The following EPB41L1 variants were observed in gnomAD, a reference collection of about 807,000 sequenced individuals.
EPB41L1 encodes the protein band 4.1-like protein 1.
Under a neutral mutation model 97.8 loss-of-function variants are expected in EPB41L1, and 29 were observed. That is an observed-to-expected ratio of 0.30 (90% CI 0.22 to 0.40). EPB41L1 has a LOEUF of 0.40. EPB41L1 is among the 10% of genes least tolerant of loss of function. The pLI, the probability that EPB41L1 is intolerant of heterozygous loss-of-function variation, is 1.00. For missense variants in EPB41L1, 812 were observed against 1,162.3 expected, an observed-to-expected ratio of 0.70 and a Z score of 4.38; for synonymous variants, 383 against 459.2, an observed-to-expected ratio of 0.83 and a Z score of 2.12.
upstream of EPB41L1, among the ~76,000 whole-genome samples, chr20:36,153,286 G>A (rs2145456803): frequency 6.6e-6 from 1 of 152,106 alleles, no homozygotes; most frequent in African/African-American, 2.4e-5. Flanking sequence ...GGAGTTGGGG[G>A]AGGGAGGTGC....
At chr20:36,223,773 G>A (rs1242401737) in intron 21 of EPB41L1, among the ~76,000 whole-genome samples, 1 of 152,090 alleles carries the variant, frequency 6.6e-6, no homozygotes, top group Admixed American at 6.5e-5. Flanking sequence ...CTAGGGTACT[G>A]GAAATGTCAC....
Position 36,102,997 on chromosome 20 carries a change from T to G in EPB41L1, c.-64-9429T>G, listed in dbSNP as rs2058065825. On this transcript the variant is annotated intron_variant, in intron 1 of 19. Transcript: ENST00000202028. ...CCTCCCTGCCAAGAATGCCACCCCC[T>G]CCATTCCCCAATCACTGTTGAAATC... 2.0e-5 allele frequency among the ~76,000 whole-genome samples: 3 copies of G among 152,224 alleles called. No homozygotes were observed. The South Asian group carries it at 6.2e-4, about 32-fold the overall frequency.
chr20:36,187,629 A>G (rs2247688), intron 7 of EPB41L1, 47 bp from the exon 8 acceptor site: 414,735 of 1,533,600 alleles, frequency 0.27, 64,415 homozygotes, highest in African/African-American at 0.7. Context: ...GCAGGACTAA[A>G]CCTGGGCCTT....
At chr20:36,130,551 A>G (rs1330061689) in intron 2 of EPB41L1, among the ~76,000 whole-genome samples, 1 of 152,072 alleles carries the variant, frequency 6.6e-6, no homozygotes, top group Non-Finnish European at 1.5e-5. Context: ...AGTTTTTGCT[A>G]TTATGAATAA....
At chr20:36,216,300 A>G (rs1240302307) in intron 17 of EPB41L1, among the ~76,000 whole-genome samples, 1 of 152,188 alleles carries the variant, frequency 6.6e-6, no homozygotes, top group Non-Finnish European at 1.5e-5. Flanking sequence ...AGACAGTGGG[A>G]AAAGCAAGTG....
intron 15 of EPB41L1, among the ~76,000 whole-genome samples, chr20:36,211,051 C>T (rs577875600): frequency 2.6e-5 from 4 of 151,834 alleles, no homozygotes; most frequent in South Asian, 2.1e-4. Flanking sequence ...CCAGCCCGGG[C>T]GACAGAGTGA....
intron 21 of EPB41L1, among the ~76,000 whole-genome samples, chr20:36,223,136 G>A (rs552425383): frequency 6.6e-6 from 1 of 152,378 alleles, no homozygotes; most frequent in East Asian, 1.9e-4. Flanking sequence ...GACCTCGGGT[G>A]ATCTGCCCGC....
At chr20:36,131,219 C>G (rs1009659755) in intron 2 of EPB41L1, among the ~76,000 whole-genome samples, 2 of 152,136 alleles carry the variant, frequency 1.3e-5, no homozygotes, top group African/African-American at 4.8e-5. Context: ...TGGTGATCCG[C>G]CCGCCTCGGC....
chr20:36,167,627 G>C (rs2060793363), intron 1 of EPB41L1, among the ~76,000 whole-genome samples: 2 of 151,866 alleles, frequency 1.3e-5, no homozygotes, highest in South Asian at 4.2e-4. Context: ...AGAATTGCTT[G>C]AATCCAGGAG....
At chr20:36,127,477 C>G (rs981663863) in intron 2 of EPB41L1, among the ~76,000 whole-genome samples, 6 of 152,166 alleles carry the variant, frequency 3.9e-5, no homozygotes, top group Non-Finnish European at 5.9e-5. Flanking sequence ...GTGTCTCTGT[C>G]CTACCTCCTT....
At chr20:36,166,913 A>G (rs1004561933) in intron 1 of EPB41L1, among the ~76,000 whole-genome samples, 2 of 152,204 alleles carry the variant, frequency 1.3e-5, no homozygotes, top group Admixed American at 6.5e-5. Flanking sequence ...TGCTTGCTTA[A>G]TGGATTCGAA....
chr20:36,136,471 T>C (rs1293753134), intron 2 of EPB41L1, among the ~76,000 whole-genome samples: 4 of 151,750 alleles, frequency 2.6e-5, no homozygotes, highest in East Asian at 3.9e-4. Flanking sequence ...TGAGTCACCA[T>C]GCCTGGTCCA....
chr20:36,191,743 G>C (rs941173497), intron 11 of EPB41L1, among the ~76,000 whole-genome samples: 3 of 152,160 alleles, frequency 2.0e-5, no homozygotes, highest in Non-Finnish European at 4.4e-5. Flanking sequence ...ATGGATGGGT[G>C]ACCTTAAGCA....
chr20:36,211,830 G>A (rs1454345885), intron 15 of EPB41L1, among the ~76,000 whole-genome samples: 1 of 152,162 alleles, frequency 6.6e-6, no homozygotes, highest in African/African-American at 2.4e-5. Flanking sequence ...CTCCAGCCTG[G>A]GCGACAAAGG....
chr20:36,209,508 C>T lies in EPB41L1; in HGVS notation c.1689C>T (p.Gly563=), dbSNP rs368951726. The T allele has an allele frequency of 7.7e-5, 125 of 1,613,828 alleles. No individual in the cohort carries two copies. Among genetic ancestry groups the T allele is most frequent in the Non-Finnish European group, 9.5e-5 (112 of 1,179,972 alleles). ...CATAGAGAGCAGGGCTGAGGGAGGG[C>T]TCCGAGGAGAAAGTCAAACCACCAC... ...KANERAGLRE[G]SEEKVKPPRP... The change falls in exon 15 of 22, where the codon GGC becomes GGT. Residue 563 remains glycine, a synonymous_variant. Transcript: ENST00000338074. The surrounding 1 kb of genome is among the most constrained non-coding windows in gnomAD (Gnocchi z 4.2).
At chr20:36,104,593 G>T (rs1421177932) in intron 1 of EPB41L1, among the ~76,000 whole-genome samples, 1 of 152,232 alleles carries the variant, frequency 6.6e-6, no homozygotes, top group African/African-American at 2.4e-5. Flanking sequence ...CTCTGCCCAG[G>T]CTTGTGCTAA....
chr20:36,113,921 A>G lies in EPB41L1; in HGVS notation c.-10+1441A>G, dbSNP rs899629427. ...CAAGGAGCCAAGCTCAGAAGCAGAC[A>G]ATTCTGTAGGAGTCAGAGCCAAGAA... On this transcript the variant is annotated intron_variant, in intron 2 of 19. Transcript: ENST00000202028. 5 of 152,564 alleles carry G rather than the reference A, an allele frequency of 3.3e-5. No individual in the cohort carries two copies. The East Asian group carries it at 7.7e-4, about 24-fold the overall frequency. 9.5% of individuals were successfully genotyped at this position (152,564 alleles called of 1,614,324 possible). A position where few individuals can be genotyped will look rare whatever the true frequency, so the allele number is the denominator to read the frequency against.
At chr20:36,149,416 T>A (rs1386994841) in intron 2 of EPB41L1, among the ~76,000 whole-genome samples, 1 of 152,186 alleles carries the variant, frequency 6.6e-6, no homozygotes, top group African/African-American at 2.4e-5. Flanking sequence ...TCCCACGGTC[T>A]GGGCTGGATG....
chr20:36,186,318 A>C (rs1428874640), intron 7 of EPB41L1, among the ~76,000 whole-genome samples: 2 of 152,194 alleles, frequency 1.3e-5, no homozygotes, highest in African/African-American at 4.8e-5. Flanking sequence ...AAGGTGCATT[A>C]TAAACTGTAA....
Sources: gnomAD v4.1 joint callset for allele counts (sites outside exome capture counted in the v4.1 genomes callset) on GRCh38, gnomAD v4.1.1 for gene constraint, Gnocchi (gnomAD v3.1) non-coding constraint, MANE v1.5 for transcripts, NCBI Gene and HGNC (gene_info 2026-07-23, HGNC 2026-07-21) for gene names.